PCDH11X: variants seen among roughly 807,000 people sequenced by gnomAD.
The protein encoded by PCDH11X is protocadherin 11 X-linked.
In PCDH11X, 18 loss-of-function variants were observed where a neutral mutation model predicts 53.3. That is an observed-to-expected ratio of 0.34 (90% confidence interval 0.23 to 0.50). PCDH11X has a LOEUF of 0.50. Among genes scored for constraint, PCDH11X ranks in the 20% least tolerant of loss-of-function variants. The pLI is 0.98. For synonymous variants in PCDH11X, 279 were observed against 393.3 expected, an observed-to-expected ratio of 0.71 and a Z score of 3.44; for missense variants, 570 against 1,032.4, an observed-to-expected ratio of 0.55 and a Z score of 6.14.
chrX:92,024,795 G>C (rs1178374529), intron 6 of PCDH11X, among the ~76,000 whole-genome samples: 1 of 106,314 alleles, frequency 9.4e-6, no homozygotes, highest in Non-Finnish European at 1.9e-5. Context: ...ATACTACAAG[G>C]CTACAATAAG....
chrX:91,854,310 C>T (rs1938199321), intron 5 of PCDH11X, among the ~76,000 whole-genome samples: 1 of 111,925 alleles, frequency 8.9e-6, no homozygotes, highest in Non-Finnish European at 1.9e-5. Flanking sequence ...TCCATCCATC[C>T]ATGTTGTTGC....
At chrX:92,325,513 G>A (rs752398690) in intron 8 of PCDH11X, among the ~76,000 whole-genome samples, 1 of 111,248 alleles carries the variant, frequency 9.0e-6, no homozygotes, top group South Asian at 3.8e-4. Flanking sequence ...TCTAATTTAG[G>A]TACCAAAACT....
intron 4 of PCDH11X, 31 bp downstream of exon 4, chrX:91,811,326 C>T (rs774135393): frequency 2.5e-5 from 27 of 1,099,964 alleles, no homozygotes; most frequent in Admixed American, 4.7e-5. Context: ...ATATCATATA[C>T]GTCTCCTTTC....
intron 10 of PCDH11X, among the ~76,000 whole-genome samples, chrX:92,521,113 A>G (rs1448768336): frequency 9.0e-6 from 1 of 111,289 alleles, no homozygotes; most frequent in Non-Finnish European, 1.9e-5. Context: ...CCCATGAATC[A>G]TGAATGTTTT....
intron 4 of PCDH11X, among the ~76,000 whole-genome samples, chrX:91,827,353 T>C (rs748610870): frequency 1.8e-5 from 2 of 111,761 alleles, no homozygotes; most frequent in African/African-American, 6.5e-5. Context: ...TGCTGGATAT[T>C]AGACCTTTGT....
intron 5 of PCDH11X, among the ~76,000 whole-genome samples, chrX:91,844,385 G>T (rs913522414): frequency 9.1e-6 from 1 of 110,116 alleles, no homozygotes; most frequent in Non-Finnish European, 1.9e-5. Context: ...CTCTTCATTT[G>T]TCTTTGTCTC....
rs1042690914 is a variant in PCDH11X at position 92,619,823 on chromosome X, G to C, written c.*883G>C. 1 of 108,533 alleles carries C rather than the reference G, an allele frequency of 9.2e-6. No individual in the cohort carries two copies. Among genetic ancestry groups the C allele is most frequent in the African/African-American group, 3.4e-5 (1 of 29,812 alleles). 8.9% of individuals were successfully genotyped at this position (108,533 alleles called of 1,213,427 possible). Reference sequence around the variant, plus strand: ...CTGGGAATTTGTATGTAACAGCCTAGAAAATTAAAAGGAGGTGGATGCATC... The same window carrying C: ...CTGGGAATTTGTATGTAACAGCCTACAAAATTAAAAGGAGGTGGATGCATC... On this transcript the variant is annotated 3_prime_UTR_variant, in exon 11 of 11. Transcript: ENST00000682573.
At chrX:92,402,327 C>T (rs907611748) in intron 9 of PCDH11X, among the ~76,000 whole-genome samples, 3 of 111,526 alleles carry the variant, frequency 2.7e-5, no homozygotes, top group African/African-American at 9.8e-5. Context: ...CCTGAATAGC[C>T]AAGGCAAATC....
At chrX:92,394,957 A>G (rs2071211304) in intron 9 of PCDH11X, among the ~76,000 whole-genome samples, 1 of 111,489 alleles carries the variant, frequency 9.0e-6, no homozygotes, top group Non-Finnish European at 1.9e-5. Context: ...ACTATAGACC[A>G]TCTGTCTTAC....
intron 6 of PCDH11X, among the ~76,000 whole-genome samples, chrX:92,043,086 A>G (rs944422902): frequency 3.7e-5 from 4 of 109,004 alleles, no homozygotes; most frequent in African/African-American, 1.3e-4. Flanking sequence ...CTTGAAAGAG[A>G]TGATACTTGT....
intron 6 of PCDH11X, among the ~76,000 whole-genome samples, chrX:91,928,874 T>C (rs1426855530): frequency 9.0e-6 from 1 of 111,135 alleles, no homozygotes; most frequent in African/African-American, 3.3e-5. Context: ...AACAAATGAA[T>C]TACTTAAGCT....
At position 92,306,638 on chromosome X, in the gene PCDH11X, T is replaced by TA. The variant is rs1185054790; in HGVS notation, c.3144+43508dup. 9.4e-3 allele frequency among the ~76,000 whole-genome samples: 900 copies of TA among 95,895 alleles called. 4 individuals carry two copies. The highest frequency in any genetic ancestry group is 0.028 in the African/African-American group (733 of 26,638). The allele number at this position is 95,895 out of a possible 115,157, so 83.3% of individuals were successfully genotyped here. ...TTGAATCAGTAATAATAATAATAAT[T>TA]AAAAAAAAAAAAACAACTCTTGACC... On this transcript the variant is annotated intron_variant, in intron 8 of 10. Transcript: ENST00000682573.
At chrX:91,930,604 G>C in intron 6 of PCDH11X, among the ~76,000 whole-genome samples, 1 of 106,233 alleles carries the variant, frequency 9.4e-6, no homozygotes, top group Non-Finnish European at 1.9e-5. Flanking sequence ...AAAAAACTTT[G>C]GGGTACAACT....
intron 7 of PCDH11X, among the ~76,000 whole-genome samples, chrX:92,234,606 C>G (rs1176108010): frequency 9.0e-6 from 1 of 111,346 alleles, no homozygotes; most frequent in Non-Finnish European, 1.9e-5. Flanking sequence ...TAATTTGCAG[C>G]ACTTTATGAA....
intron 6 of PCDH11X, among the ~76,000 whole-genome samples, chrX:92,046,177 G>A (rs1402307280): frequency 1.8e-5 from 2 of 110,947 alleles, no homozygotes; most frequent in Non-Finnish European, 1.9e-5. Context: ...TATTTATGAC[G>A]CATAAATTGG....
At chrX:92,324,003 T>C (rs1212672583) in intron 8 of PCDH11X, among the ~76,000 whole-genome samples, 3 of 105,627 alleles carry the variant, frequency 2.8e-5, no homozygotes, top group African/African-American at 1.0e-4. Context: ...TAAGCCTATA[T>C]AATATATTCT....
intron 10 of PCDH11X, among the ~76,000 whole-genome samples, chrX:92,584,594 T>C (rs1050871727): frequency 1.8e-5 from 2 of 109,827 alleles, no homozygotes; most frequent in African/African-American, 6.6e-5. Flanking sequence ...GTTCTGTGTT[T>C]ATTAAAGGGA....
intron 8 of PCDH11X, among the ~76,000 whole-genome samples, chrX:92,291,600 T>C (rs1406799528): frequency 9.9e-6 from 1 of 100,857 alleles, no homozygotes; most frequent in Non-Finnish European, 2.0e-5. Context: ...ATTACTCTGT[T>C]GCTTAATAAT....
intron 6 of PCDH11X, among the ~76,000 whole-genome samples, chrX:92,183,248 C>CTT (rs60978254): frequency 0.013 from 687 of 52,172 alleles, 1 homozygote; most frequent in African/African-American, 0.014. Flanking sequence ...CTAGAGAAAC[C>CTT]TTTTTTTTTT....
Sources: gnomAD v4.1 joint callset for allele counts (sites outside exome capture counted in the v4.1 genomes callset) on GRCh38, gnomAD v4.1.1 for gene constraint, MANE v1.5 for transcripts, NCBI Gene and HGNC (gene_info 2026-07-23, HGNC 2026-07-21) for gene names.